Variants in SHMT2 observed in about 807,000 individuals in gnomAD.
SHMT2 encodes serine hydroxymethyltransferase 2.
A neutral mutation model predicts 59.6 loss-of-function variants in SHMT2; 38 were observed. The observed-to-expected ratio is 0.64, with a 90% confidence interval of 0.49 to 0.84. The LOEUF (loss-of-function observed/expected upper bound fraction) is 0.84, where lower values mean the gene tolerates loss of function less well. SHMT2 is among the 40% of genes least tolerant of loss of function. SHMT2 has a pLI of 0.00. For missense variants in SHMT2, 533 were observed against 659.5 expected (o/e 0.81, Z 2.10); for synonymous variants, 254 against 258.1 (o/e 0.98, Z 0.15).
intron 7 of SHMT2, 167 bp downstream of exon 7, chr12:57,233,010 A>G: frequency 7.9e-7 from 1 of 1,257,964 alleles, no homozygotes; most frequent in Non-Finnish European, 1.1e-6. Context: ...ATGCCCTGGC[A>G]GGGGATTTGT....
Position 57,232,470 on chromosome 12 carries a change from T to G in SHMT2, c.612T>G (p.Ile204Met). The G allele has an allele frequency of 6.2e-7, 1 of 1,614,190 alleles. No individual in the cohort carries two copies. The highest frequency in any genetic ancestry group is 8.5e-7 in the Non-Finnish European group (1 of 1,180,018). Residue 204 changes from isoleucine to methionine, a missense_variant, in exon 6 of 12, where the codon ATT becomes ATG. By Grantham distance (10) the Ile-to-Met change is conservative. Transcript: ENST00000328923. Reference sequence around the variant, plus strand: ...CTGTCCAGCCCAAAACTGGCCTCATTGACTACAACCAGCTGGCACTGACTG... The same window carrying G: ...CTGTCCAGCCCAAAACTGGCCTCATGGACTACAACCAGCTGGCACTGACTG... ...PYKLNPKTGL[I>M]DYNQLALTAR...
At chr12:57,233,054 T>C in intron 7 of SHMT2, 126 bp from the exon 8 acceptor site, 1 of 1,274,452 alleles carries the variant, frequency 7.8e-7, no homozygotes, top group Non-Finnish European at 1.1e-6. Context: ...CCTCTACCAC[T>C]GGAATCCAGT....
chr12:57,230,421 G>T (rs2037265504), intron 1 of SHMT2: 1 of 1,156,912 alleles, frequency 8.6e-7, no homozygotes, highest in Non-Finnish European at 1.1e-6. Context: ...GCTGACTGGG[G>T]TATCAGTTTA....
intron 1 of SHMT2, chr12:57,230,285 C>T (rs1430616973): frequency 7.7e-6 from 9 of 1,168,468 alleles, no homozygotes; most frequent in Admixed American, 4.2e-5. Flanking sequence ...GGCTTACTCT[C>T]GGGCAGATCC....
Position 57,232,575 on chromosome 12 carries a change from G to A in SHMT2, c.717G>A (p.Glu239=). 1 of 1,614,148 alleles carries A rather than the reference G, an allele frequency of 6.2e-7. No individual in the cohort carries two copies. The change falls in exon 6 of 12, where the codon GAG becomes GAA. Residue 239 remains glutamate, a splice_region_variant and synonymous_variant. Coordinates refer to ENST00000328923, the MANE Select transcript of SHMT2 (RefSeq NM_005412.6). The part of the protein sequence containing the change: ...ARLIDYARMR[E]VCDEVKAHLL... ...TCATTGACTACGCCCGCATGAGAGAGGTTGGTGGGGGGGGCTGGAGACTGG... is the reference window on the plus strand; with the variant it reads ...TCATTGACTACGCCCGCATGAGAGAAGTTGGTGGGGGGGGCTGGAGACTGG...
rs370853912 is a variant in SHMT2 at position 57,231,873 on chromosome 12, C to T, written c.472C>T (p.His158Tyr). 3.1e-6 allele frequency: 5 copies of T among 1,613,436 alleles called. No homozygotes were observed. The highest frequency in any genetic ancestry group is 4.2e-6 in the Non-Finnish European group (5 of 1,179,754). Reference protein sequence around the residue: ...LAVYTALLQPHDRIMGLDLPD... With the variant: ...LAVYTALLQPYDRIMGLDLPD... ...CGTCTACACAGCCCTTCTGCAACCT[C>T]ACGACCGGATCATGGGGCTGGACCT... Residue 158 changes from histidine to tyrosine, a missense_variant, in exon 4 of 12, where the codon CAC (histidine) becomes TAC (tyrosine). Transcript: ENST00000328923.
rs780245528 is a variant in SHMT2, at chr12:57,232,259, CATCTTCTTCG to C, written c.563_572del (p.Ile188SerfsTer21). On this transcript the variant is annotated frameshift_variant, in exon 5 of 12. Coordinates refer to ENST00000328923, the MANE Select transcript of SHMT2 (RefSeq NM_005412.6). LOFTEE classifies it high-confidence loss of function. ...ACGTCAAGCGGATATCAGCCACGTCCATCTTCTTCGAGTCTATGCCCTATAAGCTCAACGT... is the reference window on the plus strand; with the variant it reads ...ACGTCAAGCGGATATCAGCCACGTCCAGTCTATGCCCTATAAGCTCAACGT... The C allele has an allele frequency of 6.2e-7, 1 of 1,614,180 alleles. No homozygotes were observed. The highest frequency in any genetic ancestry group is 8.5e-7 in the Non-Finnish European group (1 of 1,180,000).
Position 57,233,914 on chromosome 12 carries a change from G to A in SHMT2, c.1279+10G>A, listed in dbSNP as rs1320022825. 1 of 1,614,186 alleles carries A rather than the reference G, an allele frequency of 6.2e-7. No individual in the cohort carries two copies. The highest frequency in any genetic ancestry group is 8.5e-7 in the Non-Finnish European group (1 of 1,180,016). On this transcript the variant is annotated intron_variant, in intron 10 of 11. Coordinates refer to ENST00000328923, the MANE Select transcript of SHMT2 (RefSeq NM_005412.6). ...GGCGGCCTGCGGCTTGGTGAGACCT[G>A]GGGTTTGAGGAGGGAAGGGGCTCCC...
Position 57,234,410 on chromosome 12 carries a change from C to T in SHMT2, c.*49C>T. ...CAGACTCAAAGTTACTCTCCTTCCC[C>T]CTACCTGGGCCAGTGAAATAGAAAG... is the stretch of plus-strand genomic sequence containing the variant. On this transcript the variant is annotated 3_prime_UTR_variant, in exon 12 of 12. Coordinates refer to ENST00000328923, the MANE Select transcript of SHMT2 (RefSeq NM_005412.6). 1 of 1,515,748 alleles carries T rather than the reference C, an allele frequency of 6.6e-7. No individual in the cohort carries two copies. Among genetic ancestry groups the T allele is most frequent in the Non-Finnish European group, 8.8e-7 (1 of 1,132,684 alleles). 93.9% of individuals were successfully genotyped at this position (1,515,748 alleles called of 1,614,324 possible).
In SHMT2 at chr12:57,230,971, T is replaced by C. The variant is rs568519647; in HGVS notation, c.202T>C (p.Cys68Arg). 3.7e-6 allele frequency: 6 copies of C among 1,613,654 alleles called. No homozygotes were observed. The highest frequency in any genetic ancestry group is 1.1e-5 in the South Asian group (1 of 91,048). The change falls in exon 2 of 12, where the codon TGT becomes CGT. Residue 68 changes from cysteine (C) to arginine (R), a missense_variant. By Grantham distance (180) the Cys-to-Arg change is radical. Coordinates refer to ENST00000328923, the MANE Select transcript of SHMT2 (RefSeq NM_005412.6). ...GCTGCAGAGGGAGAAGGACAGGCAG[T>C]GTCGTGGCCTGGAGCTCATTGCCTC... ...ELLQREKDRQCRGLELIASEN... is the reference protein window; with the variant it reads ...ELLQREKDRQRRGLELIASEN...
intron 11 of SHMT2, 57 bp downstream of exon 11, chr12:57,234,167 T>TC: frequency 6.2e-7 from 1 of 1,613,280 alleles, no homozygotes; most frequent in Non-Finnish European, 8.5e-7. Context: ...GTCTGCTCCC[T>TC]CCCCCAGCTG....
intron 7 of SHMT2, 74 bp from the exon 8 acceptor site, chr12:57,233,106 G>T (rs528371846): frequency 1.3e-6 from 2 of 1,488,282 alleles, no homozygotes; most frequent in South Asian, 1.4e-5. Flanking sequence ...GCCCAGGTCC[G>T]CCAGCTTCCT....
At chr12:57,231,085 C>G in intron 2 of SHMT2, 85 bp downstream of exon 2, 1 of 1,324,930 alleles carries the variant, frequency 7.5e-7, no homozygotes, top group Non-Finnish European at 1.1e-6. Context: ...TTCTCCAAAA[C>G]CCCCTTTCAC....
At chr12:57,231,655 C>G (rs978885937) in intron 3 of SHMT2, 58 bp from the exon 4 acceptor site, 1 of 1,612,224 alleles carries the variant, frequency 6.2e-7, no homozygotes, top group Non-Finnish European at 8.5e-7. Flanking sequence ...CTTCCCAGTC[C>G]TTTGCTGATG....
At position 57,232,699 on chromosome 12, in the gene SHMT2, C is replaced by T. The variant is rs377502791; in HGVS notation, c.718-5C>T. 75 of 1,606,652 alleles carry T rather than the reference C, an allele frequency of 4.7e-5. No homozygotes were observed. The African/African-American group carries it at 8.9e-4, about 19-fold the overall frequency. ...GGCTGAGGCCTTGCCTCTGTACCTG[C>T]CCAGGTGTGTGATGAAGTCAAAGCA... On this transcript the variant is annotated splice_region_variant and splice_polypyrimidine_tract_variant and intron_variant, in intron 6 of 11. Coordinates refer to ENST00000328923, the MANE Select transcript of SHMT2 (RefSeq NM_005412.6).
intron 6 of SHMT2, 64 bp from the exon 7 acceptor site, chr12:57,232,640 G>A (rs2037373869): frequency 6.2e-7 from 1 of 1,610,816 alleles, no homozygotes; most frequent in Non-Finnish European, 8.5e-7. Flanking sequence ...TGGGAGGAGG[G>A]CAGCCTTGGG....
chr12:57,234,433 A>T lies in SHMT2; in HGVS notation c.*72A>T, dbSNP rs868141399. The T allele has an allele frequency of 1.5e-5, 23 of 1,484,996 alleles. No individual in the cohort carries two copies. Among genetic ancestry groups the T allele is most frequent in the Non-Finnish European group, 2.1e-5 (23 of 1,114,730 alleles). The allele number at this position is 1,484,996 out of a possible 1,614,324, so 92.0% of individuals were successfully genotyped here. A position where few individuals can be genotyped will look rare whatever the true frequency, so the allele number is the denominator to read the frequency against. ...CCCCTACCTGGGCCAGTGAAATAGA[A>T]AGCCTTTCTATTTTTTGGTGCGGGA... is the stretch of plus-strand genomic sequence containing the variant. On this transcript the variant is annotated 3_prime_UTR_variant, in exon 12 of 12. Transcript: ENST00000328923.
intron 7 of SHMT2, 122 bp from the exon 8 acceptor site, chr12:57,233,058 A>C (rs747736934): frequency 2.3e-6 from 3 of 1,288,788 alleles, no homozygotes; most frequent in Non-Finnish European, 3.2e-6. Flanking sequence ...TACCACTGGA[A>C]TCCAGTGTAC....
At position 57,234,520 on chromosome 12, in the gene SHMT2, G is replaced by T; in HGVS notation, c.*159G>T. On this transcript the variant is annotated 3_prime_UTR_variant, in exon 12 of 12. Transcript: ENST00000328923. ...GTCTCCCTTCCCAGAATTTGTAACTGAGAAGATCTTTTCTTTTTCCTTTTT... is the reference window on the plus strand; with the variant it reads ...GTCTCCCTTCCCAGAATTTGTAACTTAGAAGATCTTTTCTTTTTCCTTTTT... 1 of 714,520 alleles carries T rather than the reference G, an allele frequency of 1.4e-6. No individual in the cohort carries two copies. The highest frequency in any genetic ancestry group is 3.0e-5 in the East Asian group (1 of 33,130). The allele number at this position is 714,520 out of a possible 1,614,324, so 44.3% of individuals were successfully genotyped here. A position where few individuals can be genotyped will look rare whatever the true frequency, so the allele number is the denominator to read the frequency against.
Sources: gnomAD v4.1 joint callset for allele counts on GRCh38, gnomAD v4.1.1 for gene constraint, MANE v1.5 for transcripts, NCBI Gene and HGNC (gene_info 2026-07-23, HGNC 2026-07-21) for gene names.